ERC1: variants seen among roughly 807,000 people sequenced by gnomAD.
The protein encoded by ERC1 is RAB6 interacting protein 2.
A neutral mutation model predicts 132.0 loss-of-function variants in ERC1; 56 were observed. The ratio of observed to expected loss-of-function variants is 0.42; its 90% confidence interval spans 0.34 to 0.53. The LOEUF is 0.53. Among genes scored for constraint, ERC1 ranks in the 20% least tolerant of loss-of-function variants. ERC1 has a pLI of 0.03. For missense variants in ERC1, 1,202 were observed against 1,349.9 expected, an observed-to-expected ratio of 0.89 and a Z score of 1.72; for synonymous variants, 478 against 476.1, an observed-to-expected ratio of 1.00 and a Z score of -0.05.
chr12:1,184,296 C>T (rs1954824329), intron 11 of ERC1, among the ~76,000 whole-genome samples: 1 of 151,246 alleles, frequency 6.6e-6, no homozygotes, highest in Non-Finnish European at 1.5e-5. Flanking sequence ...TTTTTAAAGA[C>T]AGGGCACATA....
chr12:1,322,064 T>G (rs73034939), intron 15 of ERC1, among the ~76,000 whole-genome samples: 4,412 of 150,824 alleles, frequency 0.029, 76 homozygotes, highest in Middle Eastern at 0.054. Flanking sequence ...GATGCTTTGA[T>G]AAGTAGTCAT....
intron 8 of ERC1, among the ~76,000 whole-genome samples, chr12:1,174,644 T>C (rs921917664): frequency 6.6e-6 from 1 of 152,190 alleles, no homozygotes. Flanking sequence ...GAAAGAAGGG[T>C]ATTATCCTTA....
At chr12:1,144,012 A>G (rs1950104467) in intron 8 of ERC1, among the ~76,000 whole-genome samples, 1 of 151,850 alleles carries the variant, frequency 6.6e-6, no homozygotes, top group Non-Finnish European at 1.5e-5. Context: ...TAGTGTTATC[A>G]TTTCTAAATA....
rs536452077 is a variant in ERC1 at position 1,109,381 on chromosome 12, T to A, written c.1162-811T>A. On this transcript the variant is annotated intron_variant, in intron 4 of 18. Coordinates refer to ENST00000360905, the MANE Select transcript of ERC1 (RefSeq NM_178040.4). ...ATTCCCCCATTTTTCTGCAGTGGGA[T>A]GTTATGTAATTTTTATTATTGCACA... Among the ~76,000 whole-genome samples the A allele has an allele frequency of 2.0e-5, 3 of 152,336 alleles. No homozygotes were observed. The East Asian group carries it at 5.8e-4, about 29-fold the overall frequency.
intron 13 of ERC1, among the ~76,000 whole-genome samples, chr12:1,262,657 C>T (rs770056820): frequency 2.0e-5 from 3 of 151,116 alleles, no homozygotes; most frequent in African/African-American, 4.9e-5. Flanking sequence ...TTTTGATATT[C>T]GGTCGAATTA....
At chr12:1,419,566 T>C (rs762288504) in intron 17 of ERC1, among the ~76,000 whole-genome samples, 53 of 151,434 alleles carry the variant, frequency 3.5e-4, no homozygotes, top group Non-Finnish European at 6.5e-4. Flanking sequence ...AATTTATTTT[T>C]CCCTTAATGT....
intron 12 of ERC1, among the ~76,000 whole-genome samples, chr12:1,213,250 C>A (rs1020367211): frequency 6.6e-6 from 1 of 152,146 alleles, no homozygotes; most frequent in Admixed American, 6.5e-5. Context: ...TAGTGTCTTA[C>A]ATTTATTTAG....
intron 16 of ERC1, among the ~76,000 whole-genome samples, chr12:1,401,073 C>G (rs950419109): frequency 6.0e-5 from 9 of 151,084 alleles, no homozygotes; most frequent in Non-Finnish European, 1.3e-4. Flanking sequence ...GTAGCTGGGA[C>G]TACAGACGCC....
intron 15 of ERC1, among the ~76,000 whole-genome samples, chr12:1,298,862 G>A (rs2080181477): frequency 1.3e-5 from 2 of 151,738 alleles, no homozygotes; most frequent in African/African-American, 2.4e-5. Context: ...GGTACTTCTT[G>A]GAAATAGTAA....
At chr12:1,383,798 C>T (rs1191203487) in intron 16 of ERC1, among the ~76,000 whole-genome samples, 1 of 152,176 alleles carries the variant, frequency 6.6e-6, no homozygotes. Flanking sequence ...ACAGTATTCA[C>T]GCCATTAGTC....
intron 15 of ERC1, among the ~76,000 whole-genome samples, chr12:1,293,255 C>T (rs923796169): frequency 6.6e-6 from 1 of 151,052 alleles, no homozygotes; most frequent in African/African-American, 2.4e-5. Context: ...AAGATTGAGA[C>T]CATCCTGGCT....
intron 8 of ERC1, among the ~76,000 whole-genome samples, chr12:1,143,867 T>G (rs1252629029): frequency 2.0e-5 from 3 of 152,182 alleles, no homozygotes; most frequent in Non-Finnish European, 4.4e-5. Flanking sequence ...CATTACATCT[T>G]CTAACTGCTT....
At chr12:1,402,312 T>C (rs201861921) in intron 16 of ERC1, among the ~76,000 whole-genome samples, 1 of 152,116 alleles carries the variant, frequency 6.6e-6, no homozygotes, top group African/African-American at 2.4e-5. Flanking sequence ...GGTGGATCAC[T>C]TGAGGTCAGG....
In ERC1 at chr12:1,001,196, C is replaced by T. The variant is rs116483393; in HGVS notation, c.-157+9874C>T. On this transcript the variant is annotated intron_variant, in intron 1 of 18. Coordinates refer to ENST00000360905, the MANE Select transcript of ERC1 (RefSeq NM_178040.4). ...GGATTACAGGCGTGAGCCACACTGC[C>T]GGTGCTTGCCACCTTGCCTGGCTAA... Among the ~76,000 whole-genome samples the T allele has an allele frequency of 9.5e-3, 1,440 of 152,296 alleles. 21 individuals carry two copies. The highest frequency in any genetic ancestry group is 0.032 in the African/African-American group (1,345 of 41,560).
At chr12:1,190,218 T>C in intron 12 of ERC1, 166 bp downstream of exon 12, 1 of 761,658 alleles carries the variant, frequency 1.3e-6, no homozygotes, top group Non-Finnish European at 2.4e-6. Context: ...ACGTTCTTTG[T>C]TGAGGTGTCT....
chr12:1,273,921 T>A (rs2078063037), intron 14 of ERC1, among the ~76,000 whole-genome samples: 1 of 152,248 alleles, frequency 6.6e-6, no homozygotes, highest in Admixed American at 6.5e-5. Flanking sequence ...TTTTAAATTT[T>A]TGTTTTTGGA....
intron 15 of ERC1, among the ~76,000 whole-genome samples, chr12:1,324,039 C>T (rs1286152645): frequency 6.6e-6 from 1 of 152,182 alleles, no homozygotes; most frequent in Non-Finnish European, 1.5e-5. Flanking sequence ...CCTGCTAATT[C>T]ATATCTTGAT....
At chr12:1,401,995 G>A (rs1417162870) in intron 16 of ERC1, among the ~76,000 whole-genome samples, 1 of 152,082 alleles carries the variant, frequency 6.6e-6, no homozygotes, top group Non-Finnish European at 1.5e-5. Flanking sequence ...TCTGATAGGA[G>A]TTTTGAGAAA....
chr12:1,010,017 C>A (rs775886199), intron 1 of ERC1, among the ~76,000 whole-genome samples: 1 of 152,130 alleles, frequency 6.6e-6, no homozygotes, highest in Non-Finnish European at 1.5e-5. Context: ...TCTTTGGATA[C>A]TTCTAAATTT....
Sources: allele counts gnomAD v4.1 joint callset (sites outside exome capture counted in the v4.1 genomes callset), GRCh38; gene constraint gnomAD v4.1.1; transcripts MANE v1.5; gene names NCBI Gene and HGNC (gene_info 2026-07-23, HGNC 2026-07-21).